The following CACNB4 variants were observed in gnomAD, a reference collection of about 807,000 sequenced individuals.
CACNB4 encodes the protein voltage-dependent L-type calcium channel subunit beta-4.
Under a neutral mutation model 71.2 loss-of-function variants are expected in CACNB4, and 32 were observed. The ratio of observed to expected loss-of-function variants is 0.45; its 90% CI spans 0.34 to 0.60. CACNB4 has a LOEUF of 0.60. Among genes scored for constraint, CACNB4 ranks in the 20% least tolerant of loss-of-function variants. The pLI, the probability that CACNB4 is intolerant of heterozygous loss-of-function variation, is 0.01. For synonymous variants in CACNB4, 231 were observed against 236.9 expected (o/e 0.97, Z 0.23); for missense variants, 464 against 647.9 (o/e 0.72, Z 3.08).
intron 2 of CACNB4, among the ~76,000 whole-genome samples, chr2:152,085,374 G>A: frequency 6.6e-6 from 1 of 152,182 alleles, no homozygotes; most frequent in East Asian, 1.9e-4. Context: ...TGAATGAATA[G>A]AGCCTCCAAA....
chr2:152,010,913 T>C (rs1683019722), intron 2 of CACNB4, among the ~76,000 whole-genome samples: 2 of 152,036 alleles, frequency 1.3e-5, no homozygotes, highest in African/African-American at 4.8e-5. Context: ...CTGTAAGAGA[T>C]GGTGAGGGAG....
At chr2:152,054,053 A>G (rs552376073) in intron 2 of CACNB4, among the ~76,000 whole-genome samples, 40 of 152,224 alleles carry the variant, frequency 2.6e-4, no homozygotes, top group Middle Eastern at 3.4e-3. Context: ...TGGTGTGTGG[A>G]AAAAACCCTC....
chr2:152,068,933 T>C (rs1385154531), intron 2 of CACNB4, among the ~76,000 whole-genome samples: 1 of 152,150 alleles, frequency 6.6e-6, no homozygotes, highest in Non-Finnish European at 1.5e-5. Flanking sequence ...CCACTGGCAA[T>C]AATCAGGCCC....
chr2:151,904,126 G>A (rs141203963), intron 2 of CACNB4, among the ~76,000 whole-genome samples: 17 of 152,298 alleles, frequency 1.1e-4, no homozygotes, highest in African/African-American at 3.6e-4. Context: ...CAAAACCACC[G>A]CTGCAAAAGC....
intron 2 of CACNB4, among the ~76,000 whole-genome samples, chr2:151,909,113 T>C (rs919369773): frequency 2.7e-5 from 4 of 147,480 alleles, no homozygotes; most frequent in African/African-American, 7.4e-5. Context: ...TATATATTTA[T>C]ATATATATAA....
chr2:151,923,096 G>A (rs193117300), intron 2 of CACNB4, among the ~76,000 whole-genome samples: 1 of 152,332 alleles, frequency 6.6e-6, no homozygotes, highest in Admixed American at 6.5e-5. Flanking sequence ...TGGAACCATG[G>A]TGAAATGGAG....
At chr2:151,979,564 TAGG>T (rs2099874374) in intron 2 of CACNB4, among the ~76,000 whole-genome samples, 3 of 152,178 alleles carry the variant, frequency 2.0e-5, no homozygotes, top group African/African-American at 7.2e-5. Context: ...AAAATGAATC[TAGG>T]AGATTAGTTC....
intron 2 of CACNB4, among the ~76,000 whole-genome samples, chr2:151,995,896 A>T (rs755075710): frequency 3.3e-5 from 5 of 152,204 alleles, no homozygotes; most frequent in Non-Finnish European, 7.3e-5. Context: ...AGCTCTCCAA[A>T]TAGCTTTCAT....
At chr2:152,076,150 T>TTTTTTTTTTTG in intron 2 of CACNB4, among the ~76,000 whole-genome samples, 1 of 135,892 alleles carries the variant, frequency 7.4e-6, no homozygotes, top group Non-Finnish European at 1.6e-5. Flanking sequence ...TTTTTTTTTT[T>TTTTTTTTTTTG]TTTTTTTTTT....
intron 2 of CACNB4, among the ~76,000 whole-genome samples, chr2:152,035,576 T>C (rs1326037036): frequency 6.6e-6 from 1 of 150,694 alleles, no homozygotes. Context: ...TCTTTCTCTC[T>C]CTCTCTCTCT....
At chr2:151,872,613 G>T in intron 5 of CACNB4, 120 bp from the exon 6 acceptor site, 1 of 603,456 alleles carries the variant, frequency 1.7e-6, no homozygotes, top group Non-Finnish European at 2.9e-6. Flanking sequence ...ACCAAATTCT[G>T]CTATAAAGAA....
chr2:152,039,020 A>G (rs1684741162), intron 2 of CACNB4, among the ~76,000 whole-genome samples: 1 of 152,236 alleles, frequency 6.6e-6, no homozygotes, highest in Admixed American at 6.5e-5. Flanking sequence ...TAATATAGGG[A>G]TAATTAAACA....
chr2:152,099,054 A>G (rs1579296048), upstream of CACNB4: 1 of 1,409,026 alleles, frequency 7.1e-7, no homozygotes. Context: ...CGGTGGGCGG[A>G]GGGGGCTGGC....
At chr2:151,975,274 G>GT (rs1232937265) in intron 2 of CACNB4, among the ~76,000 whole-genome samples, 1 of 152,182 alleles carries the variant, frequency 6.6e-6, no homozygotes, top group Non-Finnish European at 1.5e-5. Context: ...TCTGAAAAGC[G>GT]TAACTCTTAA....
chr2:151,954,794 AGAC>A (rs374283877), intron 2 of CACNB4, among the ~76,000 whole-genome samples: 232 of 151,990 alleles, frequency 1.5e-3, no homozygotes, highest in African/African-American at 5.4e-3. Flanking sequence ...TATGATACAC[AGAC>A]AAGATTATTT....
At chr2:151,995,542 C>A (rs1681992670) in intron 2 of CACNB4, among the ~76,000 whole-genome samples, 1 of 152,164 alleles carries the variant, frequency 6.6e-6, no homozygotes, top group African/African-American at 2.4e-5. Context: ...CCCGTCTCTA[C>A]TAAAAATGCA....
Position 152,098,675 on chromosome 2 carries a change from T to C in CACNB4, c.64-262A>G, listed in dbSNP as rs1470575355. On this transcript the variant is annotated intron_variant, in intron 1 of 13. Coordinates refer to ENST00000539935, the MANE Select transcript of CACNB4 (RefSeq NM_000726.5). This position sits in a 1 kb window ranked among gnomAD's most constrained non-coding sequence, Gnocchi z 5.3. ...TAACAAAGACTCTCAGGGTGCGGGG[T>C]CCGAGTCCCCGGCATCCGCTGGGGG... is the stretch of plus-strand genomic sequence containing the variant. 3 of 1,538,422 alleles carry C rather than the reference T, an allele frequency of 2.0e-6. No homozygotes were observed. The highest frequency in any genetic ancestry group is 1.4e-5 in the African/African-American group (1 of 69,498).
At chr2:151,932,245 G>C (rs2099861804) in intron 2 of CACNB4, among the ~76,000 whole-genome samples, 1 of 151,830 alleles carries the variant, frequency 6.6e-6, no homozygotes, top group South Asian at 2.1e-4. Context: ...AATTATAAGA[G>C]TGGGGGAACT....
intron 2 of CACNB4, among the ~76,000 whole-genome samples, chr2:151,987,642 A>G (rs1681445350): frequency 6.6e-6 from 1 of 152,242 alleles, no homozygotes; most frequent in African/African-American, 2.4e-5. Flanking sequence ...AAGGTCACAC[A>G]TTCACATCTC....
Sources: allele counts gnomAD v4.1 joint callset (sites outside exome capture counted in the v4.1 genomes callset), GRCh38; gene constraint gnomAD v4.1.1; non-coding constraint Gnocchi (gnomAD v3.1); transcripts MANE v1.5; gene names NCBI Gene and HGNC (gene_info 2026-07-23, HGNC 2026-07-21).